PCDHGB1: variants seen among roughly 807,000 people sequenced by gnomAD.
The protein encoded by PCDHGB1 is protocadherin gamma-B1.
PCDHGB1 carries 34 observed loss-of-function variants against 56.6 expected under a neutral mutation model. The ratio of observed to expected loss-of-function variants is 0.60; its 90% confidence interval spans 0.46 to 0.80. The LOEUF is 0.80. PCDHGB1 is among the 30% of genes least tolerant of loss of function. The pLI is 0.00. For synonymous variants in PCDHGB1, 561 were observed against 505.9 expected, an observed-to-expected ratio of 1.11 and a Z score of -1.46; for missense variants, 1,278 against 1,204.6, an observed-to-expected ratio of 1.06 and a Z score of -0.90.
At position 141,409,564 on chromosome 5, in the gene PCDHGB1, G is replaced by C. The variant is rs374234556; in HGVS notation, c.2409+56895G>C. ...ACGACAACGCCCCAGTTTTCGACCA[G>C]ACGTCCTACGTGGTCCACGTGGCCG... On this transcript the variant is annotated intron_variant, in intron 1 of 3. Coordinates refer to ENST00000523390, the MANE Select transcript of PCDHGB1 (RefSeq NM_018922.3). The C allele has an allele frequency of 4.0e-5, 64 of 1,613,870 alleles. No individual in the cohort carries two copies. Among genetic ancestry groups the C allele is most frequent in the Non-Finnish European group, 5.2e-5 (61 of 1,179,914 alleles).
rs758139838 is a variant in PCDHGB1, at chr5:141,431,419, G to C, written c.2410-63388G>C. The C allele has an allele frequency of 1.5e-5, 25 of 1,613,700 alleles. No individual in the cohort carries two copies. The highest frequency in any genetic ancestry group is 2.0e-5 in the Non-Finnish European group (24 of 1,180,046). On this transcript the variant is annotated intron_variant, in intron 1 of 3. Coordinates refer to ENST00000523390, the MANE Select transcript of PCDHGB1 (RefSeq NM_018922.3). This position sits in a 1 kb window ranked among gnomAD's most constrained non-coding sequence, Gnocchi z 4.8. ...TTACGGCCTCCGACGGGGGCGACCC[G>C]GTGCGCACAGGCACCGCGCGCATCC... is the stretch of plus-strand genomic sequence containing the variant.
rs138542775 is a variant in PCDHGB1, at chr5:141,491,313, C to T, written c.2410-3494C>T. ...ACCCTCCTGAGCGTTCAGACCTTAC[C>T]CTTTACCTCATTGTGGCTCTAGCGA... On this transcript the variant is annotated intron_variant, in intron 1 of 3. Transcript: ENST00000523390. This position sits in a 1 kb window ranked among gnomAD's most constrained non-coding sequence, Gnocchi z 6.9. 405 of 1,614,154 alleles carry T rather than the reference C, an allele frequency of 2.5e-4. 2 individuals are homozygous for T. In the African/African-American group the frequency reaches 4.5e-3, roughly 18 times the overall value.
chr5:141,473,377 C>T (rs2099320819), intron 1 of PCDHGB1, among the ~76,000 whole-genome samples: 1 of 152,202 alleles, frequency 6.6e-6, no homozygotes, highest in Admixed American at 6.5e-5. Flanking sequence ...TAGCATGGTC[C>T]CTGCCCTCCT....
chr5:141,357,181 A>G (rs1760501412), intron 1 of PCDHGB1: 3 of 1,613,644 alleles, frequency 1.9e-6, no homozygotes, highest in Non-Finnish European at 2.5e-6. Context: ...CGTCACACTC[A>G]CTGTGGCTGT....
chr5:141,487,921 A>G lies in PCDHGB1; in HGVS notation c.2410-6886A>G, dbSNP rs17097340. On this transcript the variant is annotated intron_variant, in intron 1 of 3. Coordinates refer to ENST00000523390, the MANE Select transcript of PCDHGB1 (RefSeq NM_018922.3). This position sits in a 1 kb window ranked among gnomAD's most constrained non-coding sequence, Gnocchi z 5.0. ...GGAATGTGGGAGCACAGGAGGCTAC[A>G]GTGCACAGGGTACAGTGCACCAGGC... 0.15 allele frequency: 93,556 copies of G among 639,124 alleles called. 7,160 individuals carry two copies. The highest frequency in any genetic ancestry group is 0.21 in the African/African-American group (11,270 of 54,532). 39.6% of individuals were successfully genotyped at this position (639,124 alleles called of 1,614,324 possible).
At chr5:141,453,969 A>T (rs543979166) in intron 1 of PCDHGB1, among the ~76,000 whole-genome samples, 13 of 152,356 alleles carry the variant, frequency 8.5e-5, no homozygotes, top group South Asian at 2.1e-4. Flanking sequence ...CAAAGCATGT[A>T]GTTGTGTTGC....
chr5:141,357,554 G>A (rs765378957), intron 1 of PCDHGB1: 1 of 1,614,220 alleles, frequency 6.2e-7, no homozygotes, highest in Non-Finnish European at 8.5e-7. Context: ...CGGGAGAGTT[G>A]TGAGAAAAGC....
chr5:141,478,901 A>T (rs2099483520), intron 1 of PCDHGB1: 2 of 1,002,034 alleles, frequency 2.0e-6, no homozygotes, highest in African/African-American at 3.3e-5. Flanking sequence ...ATTAGGAATA[A>T]GCTGCTGGAT....
chr5:141,413,388 C>T (rs765673305), intron 1 of PCDHGB1: 39 of 1,614,012 alleles, frequency 2.4e-5, no homozygotes, highest in Non-Finnish European at 3.2e-5. Context: ...TCCGCATAGT[C>T]TCCAGAGGTA....
intron 1 of PCDHGB1, chr5:141,374,981 G>A (rs761282613): frequency 6.2e-7 from 1 of 1,614,036 alleles, no homozygotes; most frequent in Non-Finnish European, 8.5e-7. Context: ...TTTGACTGGA[G>A]AAATTTCAAC....
At chr5:141,363,362 TC>T (rs1356000329) in intron 1 of PCDHGB1, among the ~76,000 whole-genome samples, 1 of 152,268 alleles carries the variant, frequency 6.6e-6, no homozygotes, top group African/African-American at 2.4e-5. Flanking sequence ...TCCATTTTTT[TC>T]AATCAAGAGG....
intron 1 of PCDHGB1, chr5:141,357,401 G>T (rs1456227012): frequency 1.2e-6 from 2 of 1,614,250 alleles, no homozygotes; most frequent in Non-Finnish European, 1.7e-6. Context: ...AGGTTGGCAG[G>T]TGTGCCTGCC....
At chr5:141,419,635 G>A in intron 1 of PCDHGB1, 1 of 1,612,480 alleles carries the variant, frequency 6.2e-7, no homozygotes, top group African/African-American at 1.3e-5. Flanking sequence ...CCAAGGTGGT[G>A]GCCGTGGACG....
In PCDHGB1 at chr5:141,391,891, A is replaced by C. The variant is rs140956361; in HGVS notation, c.2409+39222A>C. 7.1e-4 allele frequency: 108 copies of C among 152,338 alleles called. No individual in the cohort carries two copies. In the East Asian group the frequency reaches 0.015, roughly 21 times the overall value. 9.4% of individuals were successfully genotyped at this position (152,338 alleles called of 1,614,324 possible). On this transcript the variant is annotated intron_variant, in intron 1 of 3. Coordinates refer to ENST00000523390, the MANE Select transcript of PCDHGB1 (RefSeq NM_018922.3). ...TCATCTCTTTGGTGAAAGGGATGGG[A>C]TGGAGCTTTGCTTTTTATCATATAT... is the stretch of plus-strand genomic sequence containing the variant.
intron 1 of PCDHGB1, among the ~76,000 whole-genome samples, chr5:141,434,746 C>T (rs1591345130): frequency 6.6e-6 from 1 of 151,796 alleles, no homozygotes; most frequent in South Asian, 2.1e-4. Context: ...GGCTATGAGA[C>T]CCCTGATTCC....
chr5:141,511,055 A>ATG lies in PCDHGB1; in HGVS notation c.2668_2669dup (p.Tyr891SerfsTer10). 1 of 1,614,218 alleles carries ATG rather than the reference A, an allele frequency of 6.2e-7. No individual in the cohort carries two copies. The highest frequency in any genetic ancestry group is 8.5e-7 in the Non-Finnish European group (1 of 1,180,026). On this transcript the variant is annotated frameshift_variant, in exon 4 of 4. Coordinates refer to ENST00000523390, the MANE Select transcript of PCDHGB1 (RefSeq NM_018922.3). LOFTEE classifies it high-confidence loss of function. Reference sequence around the variant, plus strand: ...CAGCACGTGCCCGACTACCGCCAGAATGTCTACATCCCAGGCAGCAATGCC... The same window carrying ATG: ...CAGCACGTGCCCGACTACCGCCAGAATGTGTCTACATCCCAGGCAGCAATGCC...
chr5:141,475,721 G>A (rs867365261), intron 1 of PCDHGB1, among the ~76,000 whole-genome samples: 1 of 152,248 alleles, frequency 6.6e-6, no homozygotes. Context: ...ACAGCCCCAA[G>A]GCTGGCTTTC....
chr5:141,496,621 CA>C (rs2099769988), intron 2 of PCDHGB1, among the ~76,000 whole-genome samples: 1 of 152,332 alleles, frequency 6.6e-6, no homozygotes, highest in Non-Finnish European at 1.5e-5. Flanking sequence ...AGCAGCAGAT[CA>C]AAAGGCTTGG....
rs759239364 is a variant in PCDHGB1 at position 141,361,410 on chromosome 5, C to T, written c.2409+8741C>T. 1.6e-5 allele frequency: 26 copies of T among 1,613,936 alleles called. No homozygotes were observed. In the Admixed American group the frequency reaches 4.0e-4, roughly 25 times the overall value. ...AATACAATCTCACCATCACAGCCAC[C>T]GACGGGGGCAAGCCGCCCCTCTCCT... On this transcript the variant is annotated intron_variant, in intron 1 of 3. Transcript: ENST00000523390.
Sources: gnomAD v4.1 joint callset for allele counts (sites outside exome capture counted in the v4.1 genomes callset) on GRCh38, gnomAD v4.1.1 for gene constraint, Gnocchi (gnomAD v3.1) non-coding constraint, MANE v1.5 for transcripts, NCBI Gene and HGNC (gene_info 2026-07-23, HGNC 2026-07-21) for gene names.